RELN: variants seen among roughly 807,000 people sequenced by gnomAD.
RELN encodes reelin.
Under a neutral mutation model 427.6 loss-of-function variants are expected in RELN, and 108 were observed. The observed-to-expected ratio is 0.25, with a 90% CI of 0.22 to 0.30. RELN has a LOEUF of 0.30. RELN is among the 10% of genes least tolerant of loss of function. RELN has a pLI of 1.00. For missense variants in RELN, 3,715 were observed against 4,302.8 expected, an observed-to-expected ratio of 0.86 and a Z score of 3.82; for synonymous variants, 1,524 against 1,513.4, an observed-to-expected ratio of 1.01 and a Z score of -0.16.
chr7:103,813,475 C>T lies in RELN; in HGVS notation c.473+20062G>A, dbSNP rs1392543058. Among the ~76,000 whole-genome samples the T allele has an allele frequency of 2.0e-5, 3 of 152,120 alleles. 1 individual carries two copies. Among genetic ancestry groups the T allele is most frequent in the Admixed American group, 2.0e-4 (3 of 15,252 alleles). On this transcript the variant is annotated intron_variant, in intron 3 of 64. Transcript: ENST00000428762. ...GAAGCTGAGGTAGAGAAGGCAATCA[C>T]ATCAGAACTTTAATGAGTCAATCTG...
intron 57 of RELN, among the ~76,000 whole-genome samples, chr7:103,492,803 G>T (rs187566025): frequency 3.9e-5 from 6 of 152,272 alleles, no homozygotes; most frequent in African/African-American, 7.2e-5. Context: ...TAGGGTACAT[G>T]CGAGCTGCCC....
At chr7:103,930,969 C>T (rs1051826320) in intron 1 of RELN, among the ~76,000 whole-genome samples, 1 of 151,266 alleles carries the variant, frequency 6.6e-6, no homozygotes, top group Non-Finnish European at 1.5e-5. Flanking sequence ...ACTTTCTCCC[C>T]TTTACTCCTC....
intron 6 of RELN, among the ~76,000 whole-genome samples, chr7:103,747,180 G>A (rs903376711): frequency 1.4e-4 from 21 of 150,324 alleles, no homozygotes; most frequent in Middle Eastern, 3.5e-3. Flanking sequence ...ACCAAACACC[G>A]CATGTTCTCA....
chr7:103,565,601 A>G (rs1411915700), intron 33 of RELN, 50 bp from the exon 34 acceptor site: 1 of 1,579,432 alleles, frequency 6.3e-7, no homozygotes, highest in African/African-American at 1.4e-5. Flanking sequence ...CCATTTTCTT[A>G]TTTGGTGTTT....
At chr7:103,637,647 A>C (rs1011870302) in intron 17 of RELN, among the ~76,000 whole-genome samples, 1 of 152,228 alleles carries the variant, frequency 6.6e-6, no homozygotes, top group African/African-American at 2.4e-5. Context: ...AAGTAGCATC[A>C]ATAAGGGGAT....
chr7:103,969,570 G>A (rs1295044125), intron 1 of RELN, among the ~76,000 whole-genome samples: 8 of 152,114 alleles, frequency 5.3e-5, no homozygotes, highest in Non-Finnish European at 8.8e-5. Context: ...AAAACTGGCC[G>A]AAAATCTAGG....
At chr7:103,568,301 C>T (rs1056891298) in intron 31 of RELN, among the ~76,000 whole-genome samples, 16 of 152,178 alleles carry the variant, frequency 1.1e-4, no homozygotes, top group Admixed American at 9.8e-4. Context: ...CTACATCTGA[C>T]AAAGGATGAT....
intron 11 of RELN, among the ~76,000 whole-genome samples, chr7:103,677,266 TG>T (rs1833551838): frequency 8.0e-6 from 1 of 125,012 alleles, no homozygotes; most frequent in African/African-American, 3.1e-5. Flanking sequence ...CTGTGGGGGG[TG>T]GGGGACTAGG....
chr7:103,739,576 T>G (rs1790587162), intron 6 of RELN, among the ~76,000 whole-genome samples: 1 of 152,174 alleles, frequency 6.6e-6, no homozygotes, highest in Non-Finnish European at 1.5e-5. Flanking sequence ...GCTCCAGAGG[T>G]ATAGTGCTTG....
In RELN at chr7:103,739,984, G is replaced by T. The variant is rs1344325389; in HGVS notation, c.656+9442C>A. 2.0e-5 allele frequency among the ~76,000 whole-genome samples: 3 copies of T among 152,170 alleles called. No homozygotes were observed. In the East Asian group the frequency reaches 5.8e-4, roughly 29 times the overall value. ...GTGGTGAGGACAGGGACAAAGCCGG[G>T]CTGTGTGGACTAGTCACCAGACTAG... On this transcript the variant is annotated intron_variant, in intron 6 of 64. Coordinates refer to ENST00000428762, the MANE Select transcript of RELN (RefSeq NM_005045.4).
At chr7:103,975,599 G>C (rs1796859493) in intron 1 of RELN, among the ~76,000 whole-genome samples, 1 of 151,290 alleles carries the variant, frequency 6.6e-6, no homozygotes, top group Admixed American at 6.6e-5. Flanking sequence ...CCAGGCTGGA[G>C]TAGTGGTGCA....
chr7:103,547,429 TG>T (rs11315529), intron 41 of RELN, among the ~76,000 whole-genome samples: 21,763 of 152,146 alleles, frequency 0.14, 2,316 homozygotes, highest in African/African-American at 0.29. Flanking sequence ...CCAGAGTAGC[TG>T]GGATTACAGG....
chr7:103,597,172 T>C lies in RELN; in HGVS notation c.3334-511A>G, dbSNP rs548739126. Among the ~76,000 whole-genome samples the C allele has an allele frequency of 6.6e-5, 10 of 152,270 alleles. No individual in the cohort carries two copies. The South Asian group carries it at 2.1e-3, about 32-fold the overall frequency. Reference sequence around the variant, plus strand: ...ATGGTGTTGTGACAATTAGATGAAATAACATGTTGCATGGAACTTGCTAGT... The same window carrying C: ...ATGGTGTTGTGACAATTAGATGAAACAACATGTTGCATGGAACTTGCTAGT... On this transcript the variant is annotated intron_variant, in intron 24 of 64. Transcript: ENST00000428762.
intron 1 of RELN, among the ~76,000 whole-genome samples, chr7:103,935,811 G>T (rs778336297): frequency 1.5e-4 from 23 of 152,144 alleles, no homozygotes; most frequent in Non-Finnish European, 3.2e-4. Flanking sequence ...ATAAGTCTGT[G>T]CCCCTGACCT....
intron 6 of RELN, among the ~76,000 whole-genome samples, chr7:103,746,112 G>A (rs866002222): frequency 6.6e-6 from 1 of 151,966 alleles, no homozygotes; most frequent in African/African-American, 2.4e-5. Context: ...AAATAATGCT[G>A]CATATCTACA....
intron 12 of RELN, among the ~76,000 whole-genome samples, chr7:103,656,810 C>T (rs2117401491): frequency 6.6e-6 from 1 of 152,100 alleles, no homozygotes; most frequent in South Asian, 2.1e-4. Context: ...TCATTAGATA[C>T]TTACTATGAA....
At position 103,892,706 on chromosome 7, in the gene RELN, T is replaced by C. The variant is rs576441808; in HGVS notation, c.337+24369A>G. On this transcript the variant is annotated intron_variant, in intron 2 of 64. Transcript: ENST00000428762. ...AAAGAACAATTATGAATAGGGAGCA[T>C]AAAACCCTTATTCAATAATTGGAAA... is the stretch of plus-strand genomic sequence containing the variant. Among the ~76,000 whole-genome samples, 6 of 152,270 alleles carry C rather than the reference T, an allele frequency of 3.9e-5. No individual in the cohort carries two copies. The South Asian group carries it at 1.2e-3, about 32-fold the overall frequency.
At chr7:103,739,862 C>T (rs1790597303) in intron 6 of RELN, among the ~76,000 whole-genome samples, 2 of 152,220 alleles carry the variant, frequency 1.3e-5, no homozygotes, top group South Asian at 4.1e-4. Flanking sequence ...CACCAGAGTA[C>T]AGCACAGAAA....
At chr7:103,652,470 C>T in intron 14 of RELN, 81 bp downstream of exon 14, 1 of 1,108,676 alleles carries the variant, frequency 9.0e-7, no homozygotes, top group Non-Finnish European at 1.4e-6. Context: ...TAAAACTCTA[C>T]CTAGAAACTA....
Sources: allele counts gnomAD v4.1 joint callset (sites outside exome capture counted in the v4.1 genomes callset), GRCh38; gene constraint gnomAD v4.1.1; transcripts MANE v1.5; gene names NCBI Gene and HGNC (gene_info 2026-07-23, HGNC 2026-07-21).